The following KCNQ1 variants were observed in gnomAD, a reference collection of about 807,000 sequenced individuals.
The protein encoded by KCNQ1 is potassium voltage-gated channel subfamily KQT member 1.
A neutral mutation model predicts 72.4 loss-of-function variants in KCNQ1; 49 were observed. That is an observed-to-expected ratio of 0.68 (90% CI 0.54 to 0.86). The LOEUF is 0.86. KCNQ1 is among the 40% of genes least tolerant of loss of function. The pLI is 0.00. For synonymous variants in KCNQ1, 450 were observed against 412.6 expected (o/e 1.09, Z -1.10); for missense variants, 790 against 945.1 (o/e 0.84, Z 2.15).
intron 10 of KCNQ1, chr11:2,632,472 C>T (rs1278057274): frequency 2.5e-6 from 1 of 398,224 alleles, no homozygotes; most frequent in Non-Finnish European, 4.4e-6. Context: ...AGTCTTTTCA[C>T]CATTATGATG....
intron 10 of KCNQ1, chr11:2,633,702 C>G: frequency 2.5e-6 from 1 of 398,556 alleles, no homozygotes. Context: ...TCTGGGTTCT[C>G]TATTCTGTTC....
chr11:2,548,957 G>A (rs542519499), intron 2 of KCNQ1, among the ~76,000 whole-genome samples: 1 of 152,332 alleles, frequency 6.6e-6, no homozygotes, highest in Admixed American at 6.5e-5. Flanking sequence ...CAGCCCTCCT[G>A]AGCCCCTGTG....
chr11:2,838,320 G>T (rs541752421), intron 15 of KCNQ1, among the ~76,000 whole-genome samples: 3 of 152,278 alleles, frequency 2.0e-5, no homozygotes, highest in African/African-American at 7.2e-5. Flanking sequence ...GAAGGAAGCA[G>T]GCTTGGGGCT....
rs927473017 is a variant in KCNQ1, at chr11:2,768,686, C to A, written c.1515-158C>A. ...CCCCCAGCCTCCCCTCGAGCCCACA[C>A]TGGGACATGGCCTAAGTATCTCCAT... On this transcript the variant is annotated intron_variant, in intron 11 of 15. Transcript: ENST00000155840. The surrounding 1 kb of genome is among the most constrained non-coding windows in gnomAD (Gnocchi z 6.7). 8.5e-5 allele frequency among the ~76,000 whole-genome samples: 13 copies of A among 152,160 alleles called. No homozygotes were observed. Among genetic ancestry groups the A allele is most frequent in the African/African-American group, 3.1e-4 (13 of 41,438 alleles).
At chr11:2,578,885 G>A (rs1339589845) in intron 6 of KCNQ1, among the ~76,000 whole-genome samples, 1 of 152,220 alleles carries the variant, frequency 6.6e-6, no homozygotes, top group African/African-American at 2.4e-5. Flanking sequence ...CCAGCTGTCT[G>A]CCTGGCCACT....
intron 11 of KCNQ1, chr11:2,684,144 G>A (rs935244131): frequency 2.5e-6 from 1 of 398,492 alleles, no homozygotes; most frequent in African/African-American, 2.1e-5. Flanking sequence ...CTTGAAGAAT[G>A]GGGTACACCA....
rs1443841854 is a variant in KCNQ1 at position 2,695,043 on chromosome 11, T to C, written c.1514+32962T>C. ...GTCAGAGAGGTAAGCAGGGCAGATC[T>C]TGTAAAAACCTGATGGAATTTGAAT... On this transcript the variant is annotated intron_variant, in intron 11 of 15. Coordinates refer to ENST00000155840, the MANE Select transcript of KCNQ1 (RefSeq NM_000218.3). This position sits in a 1 kb window ranked among gnomAD's most constrained non-coding sequence, Gnocchi z 5.2. The C allele has an allele frequency of 2.5e-6, 1 of 398,610 alleles. No homozygotes were observed. The highest frequency in any genetic ancestry group is 4.4e-6 in the Non-Finnish European group (1 of 226,076). The allele number at this position is 398,610 out of a possible 1,614,324, so 24.7% of individuals were successfully genotyped here. A position where few individuals can be genotyped will look rare whatever the true frequency, so the allele number is the denominator to read the frequency against.
At chr11:2,811,908 C>G (rs756682016) in intron 15 of KCNQ1, among the ~76,000 whole-genome samples, 1 of 152,186 alleles carries the variant, frequency 6.6e-6, no homozygotes, top group South Asian at 2.1e-4. Flanking sequence ...GAGTGCCCGC[C>G]GCAGGATGAC....
Position 2,808,807 on chromosome 11 carries a change from A to G in KCNQ1, c.1794+30770A>G, listed in dbSNP as rs1420679246. Among the ~76,000 whole-genome samples, 1 of 152,162 alleles carries G rather than the reference A, an allele frequency of 6.6e-6. No homozygotes were observed. Among genetic ancestry groups the G allele is most frequent in the Admixed American group, 6.5e-5 (1 of 15,276 alleles). On this transcript the variant is annotated intron_variant, in intron 15 of 15. Coordinates refer to ENST00000155840, the MANE Select transcript of KCNQ1 (RefSeq NM_000218.3). The surrounding 1 kb of genome is among the most constrained non-coding windows in gnomAD (Gnocchi z 6.0). ...TGTTGCATAGAAAAAGGATGGTTAG[A>G]TACATGGGCAGATTAATGGATGGAC...
At position 2,715,212 on chromosome 11, in the gene KCNQ1, C is replaced by T. The variant is rs1851072177; in HGVS notation, c.1514+53131C>T. 6.6e-6 allele frequency among the ~76,000 whole-genome samples: 1 copy of T among 152,164 alleles called. No individual in the cohort carries two copies. Among genetic ancestry groups the T allele is most frequent in the South Asian group, 2.1e-4 (1 of 4,826 alleles). ...CGCTCCATTTACAGCCAAGGAGCCTCAGTAGAGACACAGCTAGAAAGTGGC... is the reference window on the plus strand; with the variant it reads ...CGCTCCATTTACAGCCAAGGAGCCTTAGTAGAGACACAGCTAGAAAGTGGC... On this transcript the variant is annotated intron_variant, in intron 11 of 15. Transcript: ENST00000155840. The surrounding 1 kb of genome is among the most constrained non-coding windows in gnomAD (Gnocchi z 4.9).
Position 2,830,165 on chromosome 11 carries a change from C to A in KCNQ1, c.1795-17602C>A, listed in dbSNP as rs1847918124. Among the ~76,000 whole-genome samples, 1 of 152,070 alleles carries A rather than the reference C, an allele frequency of 6.6e-6. No homozygotes were observed. Among genetic ancestry groups the A allele is most frequent in the Non-Finnish European group, 1.5e-5 (1 of 67,986 alleles). On this transcript the variant is annotated intron_variant, in intron 15 of 15. Transcript: ENST00000155840. The surrounding 1 kb of genome is among the most constrained non-coding windows in gnomAD (Gnocchi z 7.7). Reference sequence around the variant, plus strand: ...GCAGGTGTGTGGTGAAGGGGAAAGACCAGCAGGCCCTTTACACCGTGGGCA... The same window carrying A: ...GCAGGTGTGTGGTGAAGGGGAAAGAACAGCAGGCCCTTTACACCGTGGGCA...
Position 2,623,798 on chromosome 11 carries a change from G to C in KCNQ1, c.1393+34944G>C. The C allele has an allele frequency of 2.5e-6, 1 of 398,512 alleles. No homozygotes were observed. Among genetic ancestry groups the C allele is most frequent in the Non-Finnish European group, 4.4e-6 (1 of 226,028 alleles). 24.7% of individuals were successfully genotyped at this position (398,512 alleles called of 1,614,324 possible). A position where few individuals can be genotyped will look rare whatever the true frequency, so the allele number is the denominator to read the frequency against. ...TTGAGTAAATACCAAGGATGTGATT[G>C]CTGAACTGCATGGTAAGAATATGTT... On this transcript the variant is annotated intron_variant, in intron 10 of 15. Coordinates refer to ENST00000155840, the MANE Select transcript of KCNQ1 (RefSeq NM_000218.3). This position sits in a 1 kb window ranked among gnomAD's most constrained non-coding sequence, Gnocchi z 5.2.
At chr11:2,619,405 C>G (rs1399299507) in intron 10 of KCNQ1, 1 of 398,408 alleles carries the variant, frequency 2.5e-6, no homozygotes, top group Non-Finnish European at 4.4e-6. Flanking sequence ...TCATCAAATA[C>G]TTTTTGTGTG....
chr11:2,505,532 C>T (rs1267244356), intron 1 of KCNQ1, among the ~76,000 whole-genome samples: 1 of 152,112 alleles, frequency 6.6e-6, no homozygotes, highest in Admixed American at 6.5e-5. Flanking sequence ...TTATCTTCTG[C>T]CTGGTTGTTC....
intron 10 of KCNQ1, chr11:2,655,285 C>T (rs1353836649): frequency 2.5e-6 from 1 of 398,504 alleles, no homozygotes; most frequent in Admixed American, 4.4e-5. Flanking sequence ...TTGTTTTGTT[C>T]TGCCCTGAAA....
In KCNQ1 at chr11:2,768,009, G is replaced by A. The variant is rs1292624969; in HGVS notation, c.1515-835G>A. 6.6e-6 allele frequency among the ~76,000 whole-genome samples: 1 copy of A among 152,184 alleles called. No individual in the cohort carries two copies. The highest frequency in any genetic ancestry group is 2.4e-5 in the African/African-American group (1 of 41,440). On this transcript the variant is annotated intron_variant, in intron 11 of 15. Transcript: ENST00000155840. The surrounding 1 kb of genome is among the most constrained non-coding windows in gnomAD (Gnocchi z 6.7). The stretch of plus-strand genomic sequence containing the variant: ...GAGGAGGAAACGCTCGGATGCAGGC[G>A]CAGCTCAGTTCATTTCCTTTCTATG...
rs1225835493 is a variant in KCNQ1, at chr11:2,482,702, A to T, written c.386+37218A>T. On this transcript the variant is annotated intron_variant, in intron 1 of 15. Coordinates refer to ENST00000155840, the MANE Select transcript of KCNQ1 (RefSeq NM_000218.3). The surrounding 1 kb of genome is among the most constrained non-coding windows in gnomAD (Gnocchi z 5.7). ...TGGGTATTATCATAAAAACACTGCCATTATGATGAAGCAAAAATAGAATAT... is the reference window on the plus strand; with the variant it reads ...TGGGTATTATCATAAAAACACTGCCTTTATGATGAAGCAAAAATAGAATAT... Among the ~76,000 whole-genome samples the T allele has an allele frequency of 6.6e-6, 1 of 152,078 alleles. No individual in the cohort carries two copies. Among genetic ancestry groups the T allele is most frequent in the Non-Finnish European group, 1.5e-5 (1 of 68,018 alleles).
chr11:2,673,844 C>G lies in KCNQ1; in HGVS notation c.1514+11763C>G, dbSNP rs1850234621. 1.0e-5 allele frequency: 4 copies of G among 398,548 alleles called. No homozygotes were observed. The Admixed American group carries it at 1.8e-4, about 18-fold the overall frequency. 24.7% of individuals were successfully genotyped at this position (398,548 alleles called of 1,614,324 possible). ...CCACAAGCACCACAGCCAGGAGAGTCAAGGTTGGATATGAAGAGGGACTTC... is the reference window on the plus strand; with the variant it reads ...CCACAAGCACCACAGCCAGGAGAGTGAAGGTTGGATATGAAGAGGGACTTC... On this transcript the variant is annotated intron_variant, in intron 11 of 15. Coordinates refer to ENST00000155840, the MANE Select transcript of KCNQ1 (RefSeq NM_000218.3). The surrounding 1 kb of genome is among the most constrained non-coding windows in gnomAD (Gnocchi z 4.5).
chr11:2,780,234 C>T (rs1455209646), intron 15 of KCNQ1, among the ~76,000 whole-genome samples: 1 of 152,232 alleles, frequency 6.6e-6, no homozygotes, highest in Non-Finnish European at 1.5e-5. Context: ...CTGCCACTGA[C>T]TGGTGCACCC....
Sources: allele counts gnomAD v4.1 joint callset (sites outside exome capture counted in the v4.1 genomes callset), GRCh38; gene constraint gnomAD v4.1.1; non-coding constraint Gnocchi (gnomAD v3.1); transcripts MANE v1.5; gene names NCBI Gene and HGNC (gene_info 2026-07-23, HGNC 2026-07-21).